NOLC1: variants seen among roughly 807,000 people sequenced by gnomAD.
The protein encoded by NOLC1 is nucleolar and coiled-body phosphoprotein 1.
Under a neutral mutation model 73.4 loss-of-function variants are expected in NOLC1, and 37 were observed. The ratio of observed to expected loss-of-function variants is 0.50; its 90% CI spans 0.39 to 0.66. The LOEUF is 0.66. Among genes scored for constraint, NOLC1 ranks in the 30% least tolerant of loss-of-function variants. The pLI is 0.00. For synonymous variants in NOLC1, 327 were observed against 302.6 expected (o/e 1.08, Z -0.84); for missense variants, 921 against 838.9 (o/e 1.10, Z -1.21).
Position 102,161,886 on chromosome 10 carries a change from G to A in NOLC1, c.1902G>A (p.Glu634=). ...PFRRVREEEI[E]VDSRVADNSF... is the part of the protein sequence containing the mutation. ...GAAGGGTCAGGGAGGAGGAAATTGA[G>A]GTGGATTCACGAGTTGCGGACAACT... The change falls in exon 12 of 13, where the codon GAG becomes GAA. Residue 634 remains glutamate, a synonymous_variant. Transcript: ENST00000605788. 4 of 1,614,192 alleles carry A rather than the reference G, an allele frequency of 2.5e-6. No individual in the cohort carries two copies. Among genetic ancestry groups the A allele is most frequent in the Non-Finnish European group, 3.4e-6 (4 of 1,180,046 alleles).
chr10:102,159,099 G>A, intron 5 of NOLC1, 94 bp from the exon 6 acceptor site: 4 of 853,468 alleles, frequency 4.7e-6, no homozygotes, highest in Non-Finnish European at 7.0e-6. Flanking sequence ...AAAAAATGGT[G>A]GACTCCTAAG....
At position 102,157,525 on chromosome 10, in the gene NOLC1, T is replaced by G. The variant is rs139625185; in HGVS notation, c.411T>G (p.Asp137Glu). 4.2e-4 allele frequency: 679 copies of G among 1,613,960 alleles called. No individual in the cohort carries two copies. Among genetic ancestry groups the G allele is most frequent in the Non-Finnish European group, 5.2e-4 (614 of 1,179,994 alleles). Residue 137 changes from aspartate (D) to glutamate (E), a missense_variant, in exon 4 of 13, where the codon GAT becomes GAG. Transcript: ENST00000605788. ...GTGAAGAGTCCAGTGATGATGATGA[T>G]GAGGAGGACCAAAAGAAACAGCCTG... ...SSSEESSDDD[D>E]EEDQKKQPVQ...
chr10:102,153,184 T>C (rs938583288), intron 1 of NOLC1, among the ~76,000 whole-genome samples: 1 of 152,208 alleles, frequency 6.6e-6, no homozygotes, highest in Admixed American at 6.5e-5. Flanking sequence ...ATTTAACCTT[T>C]CTGAGTCTTT....
chr10:102,160,578 C>G lies in NOLC1; in HGVS notation c.1226C>G (p.Pro409Arg), dbSNP rs774565601. The G allele has an allele frequency of 2.5e-6, 4 of 1,614,196 alleles. No individual in the cohort carries two copies. The highest frequency in any genetic ancestry group is 3.4e-6 in the Non-Finnish European group (4 of 1,180,042). Residue 409 changes from proline to arginine, a missense_variant, in exon 10 of 13, where the codon CCT becomes CGT. Transcript: ENST00000605788. Reference sequence around the variant, plus strand: ...AAGCCAGCTGCAGCCCCCAAGCAACCTGTGGGCGGTGGCCAGAAGCTTCTG... The same window carrying G: ...AAGCCAGCTGCAGCCCCCAAGCAACGTGTGGGCGGTGGCCAGAAGCTTCTG... ...AVKPAAAPKQ[P>R]VGGGQKLLTR...
chr10:102,162,065 T>C (rs2133763930), intron 12 of NOLC1, 46 bp from the exon 13 acceptor site: 1 of 1,607,290 alleles, frequency 6.2e-7, no homozygotes, highest in Non-Finnish European at 8.5e-7. Flanking sequence ...GTGACAGGGC[T>C]CCAGCATGGT....
chr10:102,153,597 GT>G (rs577950018), intron 1 of NOLC1, among the ~76,000 whole-genome samples: 38 of 151,844 alleles, frequency 2.5e-4, no homozygotes, highest in African/African-American at 8.7e-4. Flanking sequence ...ACTGTTTAGA[GT>G]TGACTGTTAA....
rs982023669 is a variant in NOLC1 at position 102,162,999 on chromosome 10, C to T, written c.*730C>T. ...TTATCATTACACGATGTTTGCAATA[C>T]GTGCTTTGTTTTTTAATTTGAAAGC... On this transcript the variant is annotated 3_prime_UTR_variant, in exon 13 of 13. Coordinates refer to ENST00000605788, the MANE Select transcript of NOLC1 (RefSeq NM_004741.5). 5 of 152,144 alleles carry T rather than the reference C, an allele frequency of 3.3e-5. No individual in the cohort carries two copies. The highest frequency in any genetic ancestry group is 7.2e-5 in the African/African-American group (3 of 41,430). The allele number at this position is 152,144 out of a possible 1,614,324, so 9.4% of individuals were successfully genotyped here. A position where few individuals can be genotyped will look rare whatever the true frequency, so the allele number is the denominator to read the frequency against.
In NOLC1 at chr10:102,159,447, G is replaced by A. The variant is rs781111754; in HGVS notation, c.738G>A (p.Lys246=). 4 of 1,614,078 alleles carry A rather than the reference G, an allele frequency of 2.5e-6. No individual in the cohort carries two copies. The South Asian group carries it at 4.4e-5, about 18-fold the overall frequency. The change falls in exon 7 of 13, where the codon AAG becomes AAA. Residue 246 remains lysine (K), a synonymous_variant. Coordinates refer to ENST00000605788, the MANE Select transcript of NOLC1 (RefSeq NM_004741.5). ...AATPKKTVPK[K]QVVAKAPVKA... is the part of the protein sequence containing the mutation. ...TTCTAATGCAGACTGTACCTAAAAA[G>A]CAAGTTGTGGCCAAGGCCCCAGTGA...
rs140897639 is a variant in NOLC1 at position 102,161,871 on chromosome 10, G to A, written c.1887G>A (p.Arg629=). The A allele has an allele frequency of 4.3e-6, 7 of 1,614,012 alleles. No individual in the cohort carries two copies. In the African/African-American group the frequency reaches 9.3e-5, roughly 22 times the overall value. ...KRASSPFRRV[R]EEEIEVDSRV... The stretch of plus-strand genomic sequence containing the variant: ...CATCATCCCCATTCCGAAGGGTCAG[G>A]GAGGAGGAAATTGAGGTGGATTCAC... Residue 629 remains arginine, a synonymous_variant, in exon 12 of 13, where the codon AGG becomes AGA. Transcript: ENST00000605788.
Position 102,161,904 on chromosome 10 carries a change from G to A in NOLC1, c.1920G>A (p.Ala640=), listed in dbSNP as rs575807208. ...AAATTGAGGTGGATTCACGAGTTGC[G>A]GACAACTCCTTTGATGCCAAGGTGA... The part of the protein sequence containing the change: ...EEEIEVDSRV[A]DNSFDAKRGA... Residue 640 remains alanine, a synonymous_variant, in exon 12 of 13, where the codon GCG becomes GCA. Transcript: ENST00000605788. 108 of 1,614,026 alleles carry A rather than the reference G, an allele frequency of 6.7e-5. 1 individual carries two copies. In the Admixed American group the frequency reaches 1.5e-3, roughly 22 times the overall value.
intron 1 of NOLC1, among the ~76,000 whole-genome samples, chr10:102,155,340 T>C (rs568630080): frequency 3.3e-5 from 5 of 151,500 alleles, no homozygotes; most frequent in African/African-American, 7.3e-5. Flanking sequence ...CGCAGTGCCA[T>C]TGCAATCCAA....
chr10:102,161,694 G>T lies in NOLC1; in HGVS notation c.1848+32G>T, dbSNP rs148514107. 35 of 1,589,494 alleles carry T rather than the reference G, an allele frequency of 2.2e-5. No individual in the cohort carries two copies. The East Asian group carries it at 7.2e-4, about 33-fold the overall frequency. ...TGTCTCACTTTCTTCTCAGGAGCCA[G>T]CTCTTTAAAAGTAGAAAAATCTAGG... On this transcript the variant is annotated intron_variant, in intron 11 of 12. Transcript: ENST00000605788.
rs748763937 is a variant in NOLC1 at position 102,160,013 on chromosome 10, G to A, written c.977G>A (p.Ser326Asn). The stretch of plus-strand genomic sequence containing the variant: ...CCTGTGGAAAGCAGTGAAGACAGCA[G>A]TGATGAGTCTGGTGAGTCAGAGGGA... Reference protein sequence around the residue: ...QQPVESSEDSSDESDSSSEEE... With the variant: ...QQPVESSEDSNDESDSSSEEE... Residue 326 changes from serine (S) to asparagine (N), a missense_variant, in exon 8 of 13, where the codon AGT (serine) becomes AAT (asparagine). By Grantham distance (46) the Ser-to-Asn change is conservative. Coordinates refer to ENST00000605788, the MANE Select transcript of NOLC1 (RefSeq NM_004741.5). The A allele has an allele frequency of 2.4e-5, 39 of 1,613,076 alleles. No homozygotes were observed. Among genetic ancestry groups the A allele is most frequent in the Non-Finnish European group, 3.3e-5 (39 of 1,179,520 alleles).
intron 1 of NOLC1, among the ~76,000 whole-genome samples, chr10:102,153,844 T>TGTATTTTTA (rs2069546851): frequency 6.6e-6 from 1 of 151,848 alleles, no homozygotes. Flanking sequence ...GGCTAATTTT[T>TGTATTTTTA]GTATTTTTAG....
At chr10:102,153,232 T>C (rs2069535875) in intron 1 of NOLC1, among the ~76,000 whole-genome samples, 1 of 152,212 alleles carries the variant, frequency 6.6e-6, no homozygotes. Flanking sequence ...AGGATTTTTG[T>C]GAGTTTCAGT....
At chr10:102,155,867 T>C (rs1017594109) in intron 1 of NOLC1, among the ~76,000 whole-genome samples, 3 of 152,124 alleles carry the variant, frequency 2.0e-5, no homozygotes, top group African/African-American at 7.2e-5. Flanking sequence ...TTCTTTCTTT[T>C]TTTTTTTGAG....
In NOLC1 at chr10:102,162,556, A is replaced by C. The variant is rs559410993; in HGVS notation, c.*287A>C. On this transcript the variant is annotated 3_prime_UTR_variant, in exon 13 of 13. Transcript: ENST00000605788. ...TCCTTCCTTTTCTGTGAAAGTCCTC[A>C]TACTGAGAAATTTGTATATTTTATA... 2.1e-4 allele frequency: 49 copies of C among 235,404 alleles called. 1 individual carries two copies. In the East Asian group the frequency reaches 4.0e-3, roughly 19 times the overall value. The allele number at this position is 235,404 out of a possible 1,614,324, so 14.6% of individuals were successfully genotyped here. A position where few individuals can be genotyped will look rare whatever the true frequency, so the allele number is the denominator to read the frequency against.
intron 1 of NOLC1, among the ~76,000 whole-genome samples, chr10:102,155,584 C>T (rs543469001): frequency 6.6e-6 from 1 of 151,608 alleles, no homozygotes; most frequent in South Asian, 2.1e-4. Context: ...TACTGGCTCA[C>T]TGCAACCTCA....
In NOLC1 at chr10:102,158,029, C is replaced by G; in HGVS notation, c.442-20C>G. ...CCCGGAAGCTTTTGCTGATTTCTCT[C>G]CTTGTGTCTTTTCTAACAGAAGGGA... On this transcript the variant is annotated intron_variant, in intron 4 of 12. Coordinates refer to ENST00000605788, the MANE Select transcript of NOLC1 (RefSeq NM_004741.5). 6.2e-7 allele frequency: 1 copy of G among 1,609,750 alleles called. No individual in the cohort carries two copies. Among genetic ancestry groups the G allele is most frequent in the Non-Finnish European group, 8.5e-7 (1 of 1,178,338 alleles).
Sources: gnomAD v4.1 joint callset for allele counts (sites outside exome capture counted in the v4.1 genomes callset) on GRCh38, gnomAD v4.1.1 for gene constraint, MANE v1.5 for transcripts, NCBI Gene and HGNC (gene_info 2026-07-23, HGNC 2026-07-21) for gene names.